STARD13: variants seen among roughly 807,000 people sequenced by gnomAD.
The protein encoded by STARD13 is stAR-related lipid transfer protein 13.
In STARD13, 62 loss-of-function variants were observed where a neutral mutation model predicts 106.4. The ratio of observed to expected loss-of-function variants is 0.58; its 90% CI spans 0.48 to 0.72. The LOEUF is 0.72. STARD13 is among the 30% of genes least tolerant of loss of function. The pLI is 0.00. For missense variants in STARD13, 1,387 were observed against 1,424.0 expected, an observed-to-expected ratio of 0.97 and a Z score of 0.42; for synonymous variants, 565 against 553.0, an observed-to-expected ratio of 1.02 and a Z score of -0.31.
At chr13:33,352,739 T>C (rs1027481935), upstream of STARD13, among the ~76,000 whole-genome samples, 3 of 152,192 alleles carry the variant, frequency 2.0e-5, no homozygotes, top group African/African-American at 7.2e-5. Flanking sequence ...CTGGCCCTGT[T>C]GGAAGAAACC....
the STARD13 span, chr13:33,439,805 A>C: frequency 1.4e-6 from 1 of 709,366 alleles, no homozygotes; most frequent in East Asian, 7.2e-5. Context: ...ACAAAAAATA[A>C]GATTGTAAAA....
chr13:33,633,805 C>T, the STARD13 span, among the ~76,000 whole-genome samples: 3 of 152,116 alleles, frequency 2.0e-5, no homozygotes, highest in African/African-American at 7.2e-5. Context: ...CAAACAGCAC[C>T]CCCAGTCTTG....
At chr13:33,470,152 G>T in the STARD13 span, among the ~76,000 whole-genome samples, 1 of 152,096 alleles carries the variant, frequency 6.6e-6, no homozygotes, top group Non-Finnish European at 1.5e-5. Context: ...TGTGGTGTTT[G>T]GTTTTCTGTT....
intron 1 of STARD13, among the ~76,000 whole-genome samples, chr13:33,293,543 T>C (rs915085582): frequency 2.0e-5 from 3 of 152,170 alleles, no homozygotes; most frequent in African/African-American, 7.2e-5. Flanking sequence ...CCTTAAATAC[T>C]GTGATGGTTA....
chr13:33,145,784 A>G (rs1359489005), intron 3 of STARD13, among the ~76,000 whole-genome samples: 1 of 152,228 alleles, frequency 6.6e-6, no homozygotes, highest in Non-Finnish European at 1.5e-5. Context: ...ACACTACAGG[A>G]TTCCACTCAT....
At chr13:33,520,516 C>T in the STARD13 span, among the ~76,000 whole-genome samples, 1 of 152,032 alleles carries the variant, frequency 6.6e-6, no homozygotes, top group African/African-American at 2.4e-5. Flanking sequence ...TACTCCAAGA[C>T]GTTACTTTTC....
intron 1 of STARD13, among the ~76,000 whole-genome samples, chr13:33,228,779 C>G (rs557890888): frequency 6.6e-6 from 1 of 152,130 alleles, no homozygotes; most frequent in Admixed American, 6.5e-5. Flanking sequence ...TCCCCCATCA[C>G]GTAGAGTCTG....
chr13:33,520,538 T>C, the STARD13 span, among the ~76,000 whole-genome samples: 1 of 152,132 alleles, frequency 6.6e-6, no homozygotes, highest in Non-Finnish European at 1.5e-5. Flanking sequence ...TTTTAAACAA[T>C]AGCGGCCAGT....
intron 1 of STARD13, among the ~76,000 whole-genome samples, chr13:33,303,342 G>A (rs1232473050): frequency 1.3e-5 from 2 of 152,168 alleles, no homozygotes; most frequent in African/African-American, 4.8e-5. Flanking sequence ...GAGGCAGTGT[G>A]GTATATCAGA....
At chr13:33,603,099 A>G in the STARD13 span, among the ~76,000 whole-genome samples, 1 of 152,170 alleles carries the variant, frequency 6.6e-6, no homozygotes, top group African/African-American at 2.4e-5. Flanking sequence ...AAAGTATCAA[A>G]CAAGCAAAAC....
the STARD13 span, among the ~76,000 whole-genome samples, chr13:33,499,537 C>CT: frequency 1.2e-3 from 55 of 46,894 alleles, 1 homozygote; most frequent in Admixed American, 4.7e-3. Flanking sequence ...TCTTCTTCTT[C>CT]TTCTTCTTCT....
chr13:33,180,658 T>C (rs1321421048), intron 1 of STARD13: 3 of 152,188 alleles, frequency 2.0e-5, no homozygotes, highest in African/African-American at 4.8e-5. Context: ...CCTAAGGTCA[T>C]TCTCACTATG....
At chr13:33,153,254 C>A (rs1391123244) in intron 3 of STARD13, among the ~76,000 whole-genome samples, 1 of 152,174 alleles carries the variant, frequency 6.6e-6, no homozygotes, top group East Asian at 1.9e-4. Context: ...AAGATGCCAT[C>A]CCCACTGTTG....
chr13:33,380,115 G>A, the STARD13 span, among the ~76,000 whole-genome samples: 2 of 152,150 alleles, frequency 1.3e-5, no homozygotes, highest in African/African-American at 4.8e-5. Context: ...GCCAGGCGCG[G>A]TGGCTCATGC....
chr13:33,439,934 A>T, the STARD13 span, among the ~76,000 whole-genome samples: 2 of 152,216 alleles, frequency 1.3e-5, no homozygotes, highest in Non-Finnish European at 2.9e-5. Context: ...ATACTCATTC[A>T]TGGGGAAGAC....
At chr13:33,183,094 A>G (rs1361662857) in intron 1 of STARD13, among the ~76,000 whole-genome samples, 2 of 152,210 alleles carry the variant, frequency 1.3e-5, no homozygotes, top group African/African-American at 4.8e-5. Context: ...CGAAGACATC[A>G]TCTGTATCCC....
chr13:33,358,596 G>A, the STARD13 span, among the ~76,000 whole-genome samples: 13 of 151,398 alleles, frequency 8.6e-5, no homozygotes, highest in African/African-American at 2.9e-4. Flanking sequence ...TCTGCTCTCT[G>A]GTGAGAGTCT....
chr13:33,632,016 A>G, the STARD13 span, among the ~76,000 whole-genome samples: 1 of 152,216 alleles, frequency 6.6e-6, no homozygotes, highest in African/African-American at 2.4e-5. Flanking sequence ...TAGTGTTGTC[A>G]AAGGAAGCCA....
At chr13:33,571,634 A>G in the STARD13 span, among the ~76,000 whole-genome samples, 2 of 152,210 alleles carry the variant, frequency 1.3e-5, no homozygotes, top group Non-Finnish European at 2.9e-5. Flanking sequence ...TTCATCAGAT[A>G]AAGAAACTTG....
Sources: allele counts gnomAD v4.1 joint callset (sites outside exome capture counted in the v4.1 genomes callset), GRCh38; gene constraint gnomAD v4.1.1; transcripts MANE v1.5; gene names NCBI Gene and HGNC (gene_info 2026-07-23, HGNC 2026-07-21).